Variants in CPSF1 observed in about 807,000 individuals in gnomAD.
CPSF1 encodes the protein cleavage and polyadenylation specificity factor subunit 1.
A neutral mutation model predicts 175.8 loss-of-function variants in CPSF1; 106 were observed. That is an observed-to-expected ratio of 0.60 (90% CI 0.52 to 0.71). The LOEUF (loss-of-function observed/expected upper bound fraction) is 0.71, where lower values mean the gene tolerates loss of function less well. Among genes scored for constraint, CPSF1 ranks in the 30% least tolerant of loss-of-function variants. The pLI is 0.00. For missense variants in CPSF1, 1,734 were observed against 2,022.9 expected (o/e 0.86, Z 2.74); for synonymous variants, 1,024 against 858.3 (o/e 1.19, Z -3.37).
rs782542655 is a variant in CPSF1, at chr8:144,397,833, A to G, written c.2120T>C (p.Met707Thr). Residue 707 changes from methionine (M) to threonine (T), a missense_variant, in exon 21 of 38, where the codon ATG becomes ACG. By Grantham distance (81) the Met-to-Thr change is moderately conservative. Around this residue, in one of 10 missense-constraint regions of CPSF1, gnomAD observed 585 missense variants for 584.7 expected, o/e 1.00. Coordinates refer to ENST00000616140, the MANE Select transcript of CPSF1 (RefSeq NM_013291.3). ...TLCLYRDLSG[M>T]FTTESRLGGA... The stretch of plus-strand genomic sequence containing the variant: ...ACCCAGGCGGCTCTCAGTGGTGAAC[A>G]TGCCGCTGAGGTCTCGGTACAGGCA... 2.5e-6 allele frequency: 4 copies of G among 1,611,160 alleles called. No homozygotes were observed. Among genetic ancestry groups the G allele is most frequent in the Admixed American group, 1.7e-5 (1 of 59,948 alleles).
Position 144,394,079 on chromosome 8 carries a change from C to T in CPSF1, c.3859+34G>A, listed in dbSNP as rs781826660. On this transcript the variant is annotated intron_variant, in intron 34 of 37. Transcript: ENST00000616140. ...CTAGGGGTCACTGCTAGCCCAGCCC[C>T]GGCCCAGGCAGAGGGGGTGGAGGAA... 33 of 1,610,808 alleles carry T rather than the reference C, an allele frequency of 2.0e-5. No homozygotes were observed. In the Admixed American group the frequency reaches 3.0e-4, roughly 15 times the overall value.
In CPSF1 at chr8:144,396,162, C is replaced by A. The variant is rs1449312417; in HGVS notation, c.2979+186G>T. ...GGCTGCAGCCCCAGCTCCCAACCACCCCTTTCCAGACCTTTGGAGCAACCA... is the reference window on the plus strand; with the variant it reads ...GGCTGCAGCCCCAGCTCCCAACCACACCTTTCCAGACCTTTGGAGCAACCA... On this transcript the variant is annotated intron_variant, in intron 26 of 37. Coordinates refer to ENST00000616140, the MANE Select transcript of CPSF1 (RefSeq NM_013291.3). 1.2e-5 allele frequency: 8 copies of A among 651,654 alleles called. 1 individual carries two copies. In the South Asian group the frequency reaches 1.4e-4, roughly 12 times the overall value. 40.4% of individuals were successfully genotyped at this position (651,654 alleles called of 1,614,324 possible). A position where few individuals can be genotyped will look rare whatever the true frequency, so the allele number is the denominator to read the frequency against.
intron 26 of CPSF1, chr8:144,395,865 G>A (rs148897268): frequency 1.7e-3 from 865 of 503,086 alleles, no homozygotes; most frequent in Non-Finnish European, 2.6e-3. Context: ...AAACCAGGCA[G>A]AGGGAGCCAG....
intron 1 of CPSF1, 24 bp downstream of exon 1, chr8:144,409,265 T>TCGGCCGCCCGCC (rs1401836499): frequency 5.5e-6 from 6 of 1,093,616 alleles, no homozygotes; most frequent in East Asian, 7.3e-5. Flanking sequence ...CGCTGCCGCC[T>TCGGCCGCCCGCC]CGGCCGCCCG....
chr8:144,394,825 G>GA, intron 30 of CPSF1, 29 bp from the exon 31 acceptor site: 1 of 1,613,010 alleles, frequency 6.2e-7, no homozygotes, highest in Non-Finnish European at 8.5e-7. Flanking sequence ...GCTGTGGGAT[G>GA]GCTGTGGGGA....
chr8:144,394,054 C>T lies in CPSF1; in HGVS notation c.3860-16G>A. On this transcript the variant is annotated splice_polypyrimidine_tract_variant and intron_variant, in intron 34 of 37. Transcript: ENST00000616140. Reference sequence around the variant, plus strand: ...CTCTCCTTGGCTAGACCAGAAAGGCCTAGGGGTCACTGCTAGCCCAGCCCC... The same window carrying T: ...CTCTCCTTGGCTAGACCAGAAAGGCTTAGGGGTCACTGCTAGCCCAGCCCC... The T allele has an allele frequency of 6.2e-7, 1 of 1,610,782 alleles. No homozygotes were observed. Among genetic ancestry groups the T allele is most frequent in the Non-Finnish European group, 8.5e-7 (1 of 1,178,156 alleles).
intron 23 of CPSF1, 53 bp from the exon 24 acceptor site, chr8:144,396,982 G>C: frequency 7.2e-7 from 1 of 1,381,992 alleles, no homozygotes; most frequent in South Asian, 1.2e-5. Context: ...GGAGAACATG[G>C]GATGGGCCAT....
In CPSF1 at chr8:144,399,772, C is replaced by T. The variant is rs957077876; in HGVS notation, c.1119+9G>A. 5 of 1,581,864 alleles carry T rather than the reference C, an allele frequency of 3.2e-6. No individual in the cohort carries two copies. Among genetic ancestry groups the T allele is most frequent in the African/African-American group, 1.3e-5 (1 of 74,114 alleles). ...CTGGACCCAGACCCAACCCCTAGTCCCAACTCACGCTGGTGGTGAGGACGC... is the reference window on the plus strand; with the variant it reads ...CTGGACCCAGACCCAACCCCTAGTCTCAACTCACGCTGGTGGTGAGGACGC... On this transcript the variant is annotated intron_variant, in intron 11 of 37. Transcript: ENST00000616140. The surrounding 1 kb of genome is among the most constrained non-coding windows in gnomAD (Gnocchi z 6.4).
chr8:144,394,678 C>T lies in CPSF1; in HGVS notation c.3533G>A (p.Cys1178Tyr). 2.5e-6 allele frequency: 4 copies of T among 1,611,450 alleles called. No homozygotes were observed. The highest frequency in any genetic ancestry group is 3.4e-6 in the Non-Finnish European group (4 of 1,179,136). Residue 1178 changes from cysteine to tyrosine, a missense_variant, in exon 31 of 38, where the codon TGC (cysteine) becomes TAC (tyrosine). Coordinates refer to ENST00000616140, the MANE Select transcript of CPSF1 (RefSeq NM_013291.3). ...GATGGCCGACACCAGGTGGCCATTG[C>T]AGTGGCACAGGGCGGTCACGGGCCC... ...QKGPVTALCH[C>Y]NGHLVSAIGQ...
rs1233132175 is a variant in CPSF1, at chr8:144,398,625, T to A, written c.1652A>T (p.Lys551Met). The change falls in exon 18 of 38, where the codon AAG becomes ATG. Residue 551 changes from lysine to methionine, a missense_variant. Lys to Met is a moderately conservative substitution (Grantham distance 95, BLOSUM62 -1). Coordinates refer to ENST00000616140, the MANE Select transcript of CPSF1 (RefSeq NM_013291.3). ...PVRKEEEDNPKGEGTEQEPST... is the reference protein window; with the variant it reads ...PVRKEEEDNPMGEGTEQEPST... ...GGGTTCCTGCTCTGTGCCCTCCCCC[T>A]TGGGATTGTCCTCCTGTCAGGGCCA... 6.2e-7 allele frequency: 1 copy of A among 1,613,656 alleles called. No individual in the cohort carries two copies. The highest frequency in any genetic ancestry group is 8.5e-7 in the Non-Finnish European group (1 of 1,179,978).
At position 144,397,838 on chromosome 8, in the gene CPSF1, G is replaced by A. The variant is rs568092651; in HGVS notation, c.2115C>T (p.Ser705=). The A allele has an allele frequency of 4.1e-5, 66 of 1,611,236 alleles. No individual in the cohort carries two copies. In the East Asian group the frequency reaches 6.0e-4, roughly 15 times the overall value. The part of the protein sequence containing the change: ...VITLCLYRDL[S]GMFTTESRLG... ...GGCGGCTCTCAGTGGTGAACATGCCGCTGAGGTCTCGGTACAGGCACAGCG... is the reference window on the plus strand; with the variant it reads ...GGCGGCTCTCAGTGGTGAACATGCCACTGAGGTCTCGGTACAGGCACAGCG... Residue 705 remains serine (S), a synonymous_variant, in exon 21 of 38, where the codon AGC becomes AGT. Coordinates refer to ENST00000616140, the MANE Select transcript of CPSF1 (RefSeq NM_013291.3).
rs201452694 is a variant in CPSF1 at position 144,398,395 on chromosome 8, C to T, written c.1801G>A (p.Ala601Thr). The change falls in exon 19 of 38, where the codon GCC (alanine) becomes ACC (threonine). Residue 601 changes from alanine (A) to threonine (T), a missense_variant. By Grantham distance (58) the Ala-to-Thr change is moderately conservative. Transcript: ENST00000616140. Reference sequence around the variant, plus strand: ...GCAAAGACCGTGGGGCCCTGAGTGGCGAAGCCACTGGTGTCCAGCTCCATG... The same window carrying T: ...GCAAAGACCGTGGGGCCCTGAGTGGTGAAGCCACTGGTGTCCAGCTCCATG... ...EIMELDTSGF[A>T]TQGPTVFAGN... 4.9e-4 allele frequency: 793 copies of T among 1,613,766 alleles called. No individual in the cohort carries two copies. Among genetic ancestry groups the T allele is most frequent in the Non-Finnish European group, 6.4e-4 (761 of 1,179,984 alleles).
rs2116855842 is a variant in CPSF1 at position 144,398,888 on chromosome 8, G to C, written c.1549-20C>G. On this transcript the variant is annotated intron_variant, in intron 16 of 37. Coordinates refer to ENST00000616140, the MANE Select transcript of CPSF1 (RefSeq NM_013291.3). The stretch of plus-strand genomic sequence containing the variant: ...GCTCTTCTAGAATGATGATGGGGTG[G>C]GGGTGTGATGGGGGTGTGAGCCCAC... 1.9e-6 allele frequency: 3 copies of C among 1,609,386 alleles called. No individual in the cohort carries two copies. The highest frequency in any genetic ancestry group is 2.5e-6 in the Non-Finnish European group (3 of 1,176,976).
chr8:144,397,095 G>C, intron 23 of CPSF1, 112 bp downstream of exon 23: 6 of 1,120,250 alleles, frequency 5.4e-6, no homozygotes, highest in Non-Finnish European at 7.6e-6. Context: ...CCACGGGAAG[G>C]GGCGGGGCCG....
In CPSF1 at chr8:144,397,775, G is replaced by A; in HGVS notation, c.2178C>T (p.Gly726=). 6.2e-7 allele frequency: 1 copy of A among 1,609,664 alleles called. No individual in the cohort carries two copies. Among genetic ancestry groups the A allele is most frequent in the Non-Finnish European group, 8.5e-7 (1 of 1,178,320 alleles). The change falls in exon 21 of 38, where the codon GGC becomes GGT. Residue 726 remains glycine (G), a synonymous_variant. Transcript: ENST00000616140. ...GARDELGGRS[G]PEAEGLGSET... is the part of the protein sequence containing the mutation. ...CTGAGCCCAGGCCCTCGGCCTCCGG[G>A]CCACTGCGGCCCCCGAGCTCGTCAC... is the stretch of plus-strand genomic sequence containing the variant.
In CPSF1 at chr8:144,397,324, C is replaced by T. The variant is rs1820835678; in HGVS notation, c.2475G>A (p.Gln825=). The change falls in exon 23 of 38, where the codon CAG becomes CAA. Residue 825 remains glutamine, a synonymous_variant. Coordinates refer to ENST00000616140, the MANE Select transcript of CPSF1 (RefSeq NM_013291.3). ...TGCGGGCCTCGCCCTGTGTAGTGGG[C>T]TGTCCAAAGGAGCTGTCCACAAGGA... ...QRVLVDSSFG[Q]PTTQGEARRE... The T allele has an allele frequency of 1.9e-6, 3 of 1,556,496 alleles. No homozygotes were observed. Among genetic ancestry groups the T allele is most frequent in the South Asian group, 1.2e-5 (1 of 84,538 alleles).
chr8:144,395,379 ACCAGTGGC>A, intron 27 of CPSF1, 24 bp from the exon 28 acceptor site: 1 of 1,611,072 alleles, frequency 6.2e-7, no homozygotes, highest in South Asian at 1.1e-5. Context: ...AGGGTCACAC[ACCAGTGGC>A]CCGGCCAGGC....
intron 2 of CPSF1, among the ~76,000 whole-genome samples, chr8:144,405,337 T>G (rs1821437308): frequency 6.6e-6 from 1 of 152,090 alleles, no homozygotes; most frequent in African/African-American, 2.4e-5. Context: ...CCTGGGAATG[T>G]CTTGGCCGGG....
chr8:144,400,586 C>A (rs1340680949), intron 7 of CPSF1, 85 bp downstream of exon 7: 22 of 1,602,262 alleles, frequency 1.4e-5, no homozygotes, highest in Non-Finnish European at 1.8e-5. Context: ...ACCCCATAGG[C>A]CCCGCCCTAA....
Sources: allele counts gnomAD v4.1 joint callset (sites outside exome capture counted in the v4.1 genomes callset), GRCh38; gene constraint gnomAD v4.1.1; regional missense constraint gnomAD v4.1.1; non-coding constraint Gnocchi (gnomAD v3.1); transcripts MANE v1.5; gene names NCBI Gene and HGNC (gene_info 2026-07-23, HGNC 2026-07-21).